Variants in EEA1 observed in about 807,000 individuals in gnomAD.
EEA1 encodes the protein early endosome antigen 1.
Under a neutral mutation model 209.2 loss-of-function variants are expected in EEA1, and 111 were observed. The observed-to-expected ratio is 0.53, with a 90% CI of 0.45 to 0.62. The LOEUF (loss-of-function observed/expected upper bound fraction) is 0.62, where lower values mean the gene tolerates loss of function less well. EEA1 is among the 20% of genes least tolerant of loss of function. EEA1 has a pLI of 0.00. For missense variants in EEA1, 1,343 were observed against 1,530.8 expected (o/e 0.88, Z 2.05); for synonymous variants, 536 against 540.6 (o/e 0.99, Z 0.12).
At chr12:92,858,643 C>T in intron 3 of EEA1, 2 of 735,100 alleles carry the variant, frequency 2.7e-6, no homozygotes, top group African/African-American at 1.7e-5. Context: ...AGTTACTGTG[C>T]ACTATATGCA....
intron 19 of EEA1, 40 bp downstream of exon 19, chr12:92,802,364 T>C: frequency 6.7e-7 from 1 of 1,492,286 alleles, no homozygotes; most frequent in Non-Finnish European, 9.0e-7. Flanking sequence ...TTAAATAAAA[T>C]AATCACTTCT....
chr12:92,879,169 T>A (rs1038334143), intron 2 of EEA1: 1 of 318,518 alleles, frequency 3.1e-6, no homozygotes. Context: ...GCACCCATTA[T>A]CTGAAATGCT....
In EEA1 at chr12:92,832,810, G is replaced by A. The variant is rs1208630192; in HGVS notation, c.956C>T (p.Thr319Ile). 4 of 1,612,580 alleles carry A rather than the reference G, an allele frequency of 2.5e-6. No homozygotes were observed. Among genetic ancestry groups the A allele is most frequent in the Non-Finnish European group, 3.4e-6 (4 of 1,179,744 alleles). ...ENLLKKEQDY[T>I]KLEEKHNEES... ...TTCATTATGTTTCTCCTCTAACTTAGTATAGTCTTGTTCTTTTTTCAGCAA... is the reference window on the plus strand; with the variant it reads ...TTCATTATGTTTCTCCTCTAACTTAATATAGTCTTGTTCTTTTTTCAGCAA... The change falls in exon 11 of 29, where the codon ACT becomes ATT. Residue 319 changes from threonine to isoleucine, a missense_variant. Physicochemically the swap from Thr to Ile is moderately conservative, Grantham distance 89 (BLOSUM62 -1). Around this residue, in one of 3 missense-constraint regions of EEA1, gnomAD observed 1,307 missense variants for 1,465.5 expected, o/e 0.89. Coordinates refer to ENST00000322349, the MANE Select transcript of EEA1 (RefSeq NM_003566.4).
At chr12:92,917,502 T>C (rs1325907506) in intron 1 of EEA1, among the ~76,000 whole-genome samples, 1 of 149,760 alleles carries the variant, frequency 6.7e-6, no homozygotes, top group Non-Finnish European at 1.5e-5. Flanking sequence ...CTAAGCTTCA[T>C]AAGTGAAGGA....
Position 92,929,224 on chromosome 12 carries a change from T to C in EEA1, c.-158A>G, listed in dbSNP as rs961056730. 8 of 612,198 alleles carry C rather than the reference T, an allele frequency of 1.3e-5. No individual in the cohort carries two copies. The Admixed American group carries it at 2.2e-4, about 17-fold the overall frequency. The allele number at this position is 612,198 out of a possible 1,614,324, so 37.9% of individuals were successfully genotyped here. A position where few individuals can be genotyped will look rare whatever the true frequency, so the allele number is the denominator to read the frequency against. On this transcript the variant is annotated 5_prime_UTR_variant, in exon 1 of 29. Coordinates refer to ENST00000322349, the MANE Select transcript of EEA1 (RefSeq NM_003566.4). ...CGACGGCCGCTCGGGCGGCCCCGAC[T>C]TCCCCACAGGCGGCGAGAGGGAGCA...
intron 1 of EEA1, among the ~76,000 whole-genome samples, chr12:92,893,999 C>A (rs1040892285): frequency 1.3e-5 from 2 of 152,140 alleles, no homozygotes; most frequent in African/African-American, 4.8e-5. Context: ...CAAGTCTATT[C>A]CTGCCATTTC....
chr12:92,852,327 T>G, intron 7 of EEA1, 31 bp from the exon 8 acceptor site: 1 of 1,468,980 alleles, frequency 6.8e-7, no homozygotes, highest in Non-Finnish European at 9.1e-7. Context: ...AAATATTAGT[T>G]TAAGGGGAGG....
In EEA1 at chr12:92,829,327, A is replaced by G. The variant is rs575715677; in HGVS notation, c.1255-1266T>C. On this transcript the variant is annotated intron_variant, in intron 11 of 28. Transcript: ENST00000322349. ...ATCTCAAAAGAAAAGAAAAAGAAAA[A>G]AAGAAAGCATAAATGCTAAATTTGT... is the stretch of plus-strand genomic sequence containing the variant. 5.3e-5 allele frequency among the ~76,000 whole-genome samples: 8 copies of G among 152,250 alleles called. No individual in the cohort carries two copies. In the East Asian group the frequency reaches 1.5e-3, roughly 29 times the overall value.
At chr12:92,908,170 A>G (rs1434882784) in intron 1 of EEA1, among the ~76,000 whole-genome samples, 2 of 152,242 alleles carry the variant, frequency 1.3e-5, no homozygotes, top group African/African-American at 4.8e-5. Flanking sequence ...AATTCTGATA[A>G]CATGCTGCAA....
intron 2 of EEA1, among the ~76,000 whole-genome samples, chr12:92,866,010 A>C (rs1878374372): frequency 6.6e-6 from 1 of 151,512 alleles, no homozygotes; most frequent in Non-Finnish European, 1.5e-5. Context: ...CGGCCTCCCA[A>C]AGCATTGGGA....
chr12:92,809,638 C>CGAGCTGAG (rs1462229986), intron 17 of EEA1, among the ~76,000 whole-genome samples: 2 of 149,784 alleles, frequency 1.3e-5, no homozygotes, highest in East Asian at 3.9e-4. Flanking sequence ...GAGGTTGCAG[C>CGAGCTGAG]GAGCTGAGAT....
At chr12:92,781,294 C>G (rs1873894848) in intron 23 of EEA1, among the ~76,000 whole-genome samples, 1 of 152,192 alleles carries the variant, frequency 6.6e-6, no homozygotes, top group Non-Finnish European at 1.5e-5. Context: ...ACCACACCCA[C>G]AGAACATTTT....
Position 92,920,329 on chromosome 12 carries a change from A to G in EEA1, c.24+8714T>C, listed in dbSNP as rs1480890771. Reference sequence around the variant, plus strand: ...AAAAGAACAAAGCTGGAGGCATCACACTATCTGACTTCAAACTTTACTACA... The same window carrying G: ...AAAAGAACAAAGCTGGAGGCATCACGCTATCTGACTTCAAACTTTACTACA... On this transcript the variant is annotated intron_variant, in intron 1 of 28. Coordinates refer to ENST00000322349, the MANE Select transcript of EEA1 (RefSeq NM_003566.4). Among the ~76,000 whole-genome samples, 8 of 115,944 alleles carry G rather than the reference A, an allele frequency of 6.9e-5. 1 individual carries two copies. The highest frequency in any genetic ancestry group is 2.4e-4 in the South Asian group (1 of 4,180). 76.1% of individuals were successfully genotyped at this position (115,944 alleles called of 152,430 possible). A position where few individuals can be genotyped will look rare whatever the true frequency, so the allele number is the denominator to read the frequency against.
intron 2 of EEA1, among the ~76,000 whole-genome samples, chr12:92,873,930 T>C (rs1275657689): frequency 7.9e-5 from 12 of 152,216 alleles, no homozygotes; most frequent in African/African-American, 2.7e-4. Flanking sequence ...ATGAGGAATA[T>C]GAGTTCATCT....
At chr12:92,873,477 C>A (rs539313622) in intron 2 of EEA1, among the ~76,000 whole-genome samples, 1 of 152,252 alleles carries the variant, frequency 6.6e-6, no homozygotes, top group African/African-American at 2.4e-5. Context: ...CCTGATGATA[C>A]AGTAGAAGGT....
At chr12:92,852,149 A>T (rs900233714) in intron 8 of EEA1, 26 bp downstream of exon 8, 1 of 1,552,574 alleles carries the variant, frequency 6.4e-7, no homozygotes, top group East Asian at 2.3e-5. Flanking sequence ...ATAAGAGTAC[A>T]TCTCAATAAA....
chr12:92,905,057 C>T (rs61935290), intron 1 of EEA1, among the ~76,000 whole-genome samples: 39,131 of 151,820 alleles, frequency 0.26, 5,540 homozygotes, highest in Non-Finnish European at 0.32. Flanking sequence ...AAGTCCCCAA[C>T]CTGAAGCTAT....
chr12:92,854,512 A>G (rs1877781217), intron 5 of EEA1, among the ~76,000 whole-genome samples: 1 of 152,234 alleles, frequency 6.6e-6, no homozygotes, highest in Non-Finnish European at 1.5e-5. Context: ...ACCTTATCAT[A>G]CCGCAGATCT....
At chr12:92,810,093 A>G (rs1216274576) in intron 17 of EEA1, among the ~76,000 whole-genome samples, 1 of 152,244 alleles carries the variant, frequency 6.6e-6, no homozygotes, top group Non-Finnish European at 1.5e-5. Context: ...ACTGTTGAAT[A>G]TAAGTTTGAA....
Sources: gnomAD v4.1 joint callset for allele counts (sites outside exome capture counted in the v4.1 genomes callset) on GRCh38, gnomAD v4.1.1 for gene constraint, gnomAD v4.1.1 regional missense constraint, MANE v1.5 for transcripts, NCBI Gene and HGNC (gene_info 2026-07-23, HGNC 2026-07-21) for gene names.